NSUN6: variants seen among roughly 807,000 people sequenced by gnomAD.
NSUN6 encodes NOP2/Sun RNA methyltransferase 6.
Under a neutral mutation model 58.0 loss-of-function variants are expected in NSUN6, and 64 were observed. The observed-to-expected ratio is 1.10, with a 90% CI of 0.90 to 1.36. The LOEUF is 1.36. Ranked by LOEUF, NSUN6 falls within the 40% of genes most tolerant of loss-of-function variation. The pLI is 0.00. For synonymous variants in NSUN6, 231 were observed against 193.9 expected, an observed-to-expected ratio of 1.19 and a Z score of -1.59; for missense variants, 701 against 550.1, an observed-to-expected ratio of 1.27 and a Z score of -2.74.
At chr10:18,579,170 T>C (rs1334535762) in intron 8 of NSUN6, among the ~76,000 whole-genome samples, 2 of 152,192 alleles carry the variant, frequency 1.3e-5, no homozygotes, top group African/African-American at 2.4e-5. Context: ...ATTTTAACTT[T>C]TTTATTACTA....
rs116401820 is a variant in NSUN6 at position 18,564,993 on chromosome 10, C to T, written c.923-13022G>A. ...CCATTCTCCATTCCATTCCATTCTC[C>T]ATTTTCCATTCCATCACATTCCATT... On this transcript the variant is annotated intron_variant, in intron 8 of 10. Coordinates refer to ENST00000377304, the MANE Select transcript of NSUN6 (RefSeq NM_182543.5). Among the ~76,000 whole-genome samples the T allele has an allele frequency of 4.0e-3, 596 of 149,650 alleles. 3 individuals are homozygous for T. The highest frequency in any genetic ancestry group is 0.014 in the African/African-American group (558 of 40,920).
intron 8 of NSUN6, among the ~76,000 whole-genome samples, chr10:18,579,875 G>C (rs1251866436): frequency 6.6e-6 from 1 of 152,112 alleles, no homozygotes; most frequent in Admixed American, 6.5e-5. Context: ...AATCATATGT[G>C]CATTTGTCTC....
intron 8 of NSUN6, among the ~76,000 whole-genome samples, chr10:18,581,183 C>T (rs1176065395): frequency 6.6e-6 from 1 of 152,078 alleles, no homozygotes; most frequent in East Asian, 1.9e-4. Flanking sequence ...GTTTGAACCA[C>T]CCATCTTGAA....
intron 1 of NSUN6, 28 bp downstream of exon 1, chr10:18,651,101 T>A: frequency 6.4e-7 from 1 of 1,571,466 alleles, no homozygotes; most frequent in Non-Finnish European, 8.6e-7. Context: ...TTTTGCAAAA[T>A]ATCAACTAAC....
intron 6 of NSUN6, among the ~76,000 whole-genome samples, chr10:18,598,964 T>C (rs925812930): frequency 6.6e-6 from 1 of 152,198 alleles, no homozygotes; most frequent in Non-Finnish European, 1.5e-5. Flanking sequence ...CATTAAGAAC[T>C]TTCTGATTTG....
intron 9 of NSUN6, 115 bp downstream of exon 9, chr10:18,551,708 T>C (rs1326546383): frequency 2.5e-6 from 2 of 788,170 alleles, no homozygotes; most frequent in African/African-American, 1.7e-5. Context: ...GACTCTTGGG[T>C]TGTTCCCACC....
At chr10:18,618,001 C>A (rs1264231110) in intron 3 of NSUN6, among the ~76,000 whole-genome samples, 1 of 152,204 alleles carries the variant, frequency 6.6e-6, no homozygotes, top group Admixed American at 6.5e-5. Context: ...TATCCAGTCT[C>A]AGGTATTCTG....
At position 18,651,157 on chromosome 10, in the gene NSUN6, T is replaced by C. The variant is rs745739658; in HGVS notation, c.47A>G (p.Tyr16Cys). 5.1e-6 allele frequency: 8 copies of C among 1,582,740 alleles called. No individual in the cohort carries two copies. The highest frequency in any genetic ancestry group is 2.3e-5 in the South Asian group (2 of 85,122). ...KISLRPEVEN[Y>C]LKEGFMNKEI... ...CTTATTCATAAAGCCTTCCTTAAGATAGTTTTCAACCTCAGGTCTCAAAGA... is the reference window on the plus strand; with the variant it reads ...CTTATTCATAAAGCCTTCCTTAAGACAGTTTTCAACCTCAGGTCTCAAAGA... Residue 16 changes from tyrosine to cysteine, a missense_variant, in exon 1 of 11, where the codon TAT becomes TGT. Physicochemically the swap from Tyr to Cys is radical, Grantham distance 194. Coordinates refer to ENST00000377304, the MANE Select transcript of NSUN6 (RefSeq NM_182543.5).
intron 7 of NSUN6, among the ~76,000 whole-genome samples, chr10:18,588,607 C>A (rs758399752): frequency 6.6e-6 from 1 of 152,184 alleles, no homozygotes; most frequent in Admixed American, 6.5e-5. Context: ...TGCTGTTCTG[C>A]AGCCTCCACT....
upstream of NSUN6, chr10:18,655,141 C>T: frequency 1.0e-6 from 1 of 983,386 alleles, no homozygotes; most frequent in Non-Finnish European, 1.2e-6. Flanking sequence ...AGACTTAAAT[C>T]CCTCGCTGCT....
In NSUN6 at chr10:18,648,622, T is replaced by C; in HGVS notation, c.99A>G (p.Gln33=). Reference sequence around the variant, plus strand: ...AAGTTTCAAACTTCCTTTCTGCTTCTTGTTTACCTAAAGCAGTCACAATCT... The same window carrying C: ...AAGTTTCAAACTTCCTTTCTGCTTCCTGTTTACCTAAAGCAGTCACAATCT... ...NKEIVTALGK[Q]EAERKFETLL... Residue 33 remains glutamine (Q), a synonymous_variant, in exon 2 of 11, where the codon CAA becomes CAG. Coordinates refer to ENST00000377304, the MANE Select transcript of NSUN6 (RefSeq NM_182543.5). 6.2e-7 allele frequency: 1 copy of C among 1,600,238 alleles called. No individual in the cohort carries two copies. The highest frequency in any genetic ancestry group is 2.3e-5 in the East Asian group (1 of 44,246).
chr10:18,572,190 G>A (rs1358708308), intron 8 of NSUN6, among the ~76,000 whole-genome samples: 1 of 88,940 alleles, frequency 1.1e-5, no homozygotes, highest in African/African-American at 4.6e-5. Context: ...CCATTCTATT[G>A]TCTATTCCAT....
chr10:18,648,911 C>A (rs2059626284), intron 1 of NSUN6, among the ~76,000 whole-genome samples: 1 of 152,144 alleles, frequency 6.6e-6, no homozygotes, highest in Admixed American at 6.5e-5. Context: ...GCATTATGAA[C>A]ATTTTCCAAA....
Position 18,648,486 on chromosome 10 carries a change from A to G in NSUN6, c.231+4T>C. 1 of 1,585,210 alleles carries G rather than the reference A, an allele frequency of 6.3e-7. No homozygotes were observed. The highest frequency in any genetic ancestry group is 8.6e-7 in the Non-Finnish European group (1 of 1,161,248). ...TGTACAAATGACAGAAAATTTCCACAAACCTTCTGAAGTTCATCAAGTAAC... is the reference window on the plus strand; with the variant it reads ...TGTACAAATGACAGAAAATTTCCACGAACCTTCTGAAGTTCATCAAGTAAC... On this transcript the variant is annotated splice_donor_region_variant and intron_variant, in intron 2 of 10. Transcript: ENST00000377304.
chr10:18,550,307 C>T (rs894219969), intron 9 of NSUN6, among the ~76,000 whole-genome samples: 5 of 152,194 alleles, frequency 3.3e-5, no homozygotes, highest in African/African-American at 9.6e-5. Context: ...ATGAGTTCTT[C>T]GAAGACTTCA....
At chr10:18,598,021 C>T (rs191665360) in intron 6 of NSUN6, among the ~76,000 whole-genome samples, 55 of 152,312 alleles carry the variant, frequency 3.6e-4, no homozygotes, top group African/African-American at 1.3e-3. Flanking sequence ...CGAATGTATA[C>T]ATCCAGATGG....
At chr10:18,566,516 TCCAC>T (rs2055963048) in intron 8 of NSUN6, among the ~76,000 whole-genome samples, 1 of 150,152 alleles carries the variant, frequency 6.7e-6, no homozygotes, top group Non-Finnish European at 1.5e-5. Context: ...TCCATTCTAT[TCCAC>T]TCCATTCTAC....
At chr10:18,579,765 G>T (rs1017840826) in intron 8 of NSUN6, among the ~76,000 whole-genome samples, 1 of 152,248 alleles carries the variant, frequency 6.6e-6, no homozygotes, top group East Asian at 1.9e-4. Flanking sequence ...GAGACAGAGG[G>T]TTGCATTCTT....
chr10:18,640,019 T>C (rs1185501040), intron 3 of NSUN6, among the ~76,000 whole-genome samples: 19 of 152,160 alleles, frequency 1.2e-4, no homozygotes, highest in Non-Finnish European at 1.5e-5. Flanking sequence ...AAAAACTAAA[T>C]GTCTATCAAT....
Sources: gnomAD v4.1 joint callset for allele counts (sites outside exome capture counted in the v4.1 genomes callset) on GRCh38, gnomAD v4.1.1 for gene constraint, MANE v1.5 for transcripts, NCBI Gene and HGNC (gene_info 2026-07-23, HGNC 2026-07-21) for gene names.